The following CTNNA3 variants were observed in gnomAD, a reference collection of about 807,000 sequenced individuals.
The protein encoded by CTNNA3 is catenin alpha 3.
In CTNNA3, 76 loss-of-function variants were observed where a neutral mutation model predicts 95.7. That is an observed-to-expected ratio of 0.79 (90% CI 0.66 to 0.96). The LOEUF is 0.96. CTNNA3 is among the 40% of genes least tolerant of loss of function. The probability of loss-of-function intolerance (pLI) is 0.00; values close to 1 mark genes in which losing one functional copy is unlikely to be tolerated. For missense variants in CTNNA3, 1,191 were observed against 1,089.8 expected (o/e 1.09, Z -1.31); for synonymous variants, 431 against 374.4 (o/e 1.15, Z -1.74).
chr10:66,871,484 C>T (rs1193101345), intron 7 of CTNNA3, among the ~76,000 whole-genome samples: 1 of 149,962 alleles, frequency 6.7e-6, no homozygotes, highest in Non-Finnish European at 1.5e-5. Flanking sequence ...ATCTCTTGCA[C>T]CTGGGAGGCG....
intron 9 of CTNNA3, among the ~76,000 whole-genome samples, chr10:66,750,230 C>T (rs1589213166): frequency 6.6e-6 from 1 of 152,166 alleles, no homozygotes; most frequent in South Asian, 2.1e-4. Flanking sequence ...TGAAATCCAG[C>T]ATATCAATTG....
intron 3 of CTNNA3, among the ~76,000 whole-genome samples, chr10:67,581,008 A>G (rs1193609337): frequency 2.6e-5 from 4 of 151,900 alleles, no homozygotes; most frequent in African/African-American, 4.8e-5. Flanking sequence ...CTGCAAACAG[A>G]GACAATTTGA....
chr10:66,545,526 A>C (rs1353446154), intron 10 of CTNNA3, among the ~76,000 whole-genome samples: 1 of 152,044 alleles, frequency 6.6e-6, no homozygotes, highest in African/African-American at 2.4e-5. Context: ...TCCTATATGC[A>C]TCAGTGTCTT....
Position 65,915,362 on chromosome 10 carries a change from G to C in CTNNA3, c.*4968C>G, listed in dbSNP as rs1032859610. On this transcript the variant is annotated 3_prime_UTR_variant, in exon 18 of 18. Coordinates refer to ENST00000433211, the MANE Select transcript of CTNNA3 (RefSeq NM_013266.4). The stretch of plus-strand genomic sequence containing the variant: ...CTATCCTTAATACTTTCCTCAGGAG[G>C]GCTGCCTAATCTTCATAAAACCAAA... The C allele has an allele frequency of 6.6e-6, 1 of 151,314 alleles. No homozygotes were observed. The highest frequency in any genetic ancestry group is 2.4e-5 in the African/African-American group (1 of 41,082). 9.4% of individuals were successfully genotyped at this position (151,314 alleles called of 1,614,324 possible).
At chr10:66,603,701 A>T (rs2132264981) in intron 10 of CTNNA3, among the ~76,000 whole-genome samples, 1 of 152,274 alleles carries the variant, frequency 6.6e-6, no homozygotes, top group African/African-American at 2.4e-5. Flanking sequence ...TATAGTAACT[A>T]AAACAGTATG....
chr10:66,170,335 T>A lies in CTNNA3; in HGVS notation c.1885-67086A>T, dbSNP rs1187536025. 2.7e-5 allele frequency among the ~76,000 whole-genome samples: 4 copies of A among 149,310 alleles called. No individual in the cohort carries two copies. The Admixed American group carries it at 2.7e-4, about 10-fold the overall frequency. On this transcript the variant is annotated intron_variant, in intron 13 of 17. Transcript: ENST00000433211. ...GAAATATGGCATTCAAGAAGGCAAT[T>A]TCTCTAGAACTTTATTTCCACAAAT...
At chr10:66,867,185 T>C (rs1187060535) in intron 7 of CTNNA3, among the ~76,000 whole-genome samples, 1 of 152,044 alleles carries the variant, frequency 6.6e-6, no homozygotes, top group East Asian at 1.9e-4. Flanking sequence ...AACAGAATAA[T>C]ACAATAACTA....
intron 6 of CTNNA3, among the ~76,000 whole-genome samples, chr10:67,184,142 A>G (rs1344816572): frequency 1.3e-5 from 2 of 152,204 alleles, no homozygotes; most frequent in Non-Finnish European, 2.9e-5. Context: ...GCTTTGGCCA[A>G]CTTTCTTAAA....
chr10:65,949,488 C>G (rs2133203774), intron 17 of CTNNA3, among the ~76,000 whole-genome samples: 1 of 152,254 alleles, frequency 6.6e-6, no homozygotes, highest in African/African-American at 2.4e-5. Context: ...TACTATTTGT[C>G]TCTTGAGTAG....
chr10:66,801,699 C>G (rs915371306), intron 7 of CTNNA3, among the ~76,000 whole-genome samples: 3 of 151,470 alleles, frequency 2.0e-5, no homozygotes, highest in Non-Finnish European at 4.4e-5. Flanking sequence ...TCAATGGATT[C>G]ATTACAATCA....
chr10:67,209,061 T>C (rs1167848401), intron 6 of CTNNA3, among the ~76,000 whole-genome samples: 1 of 152,100 alleles, frequency 6.6e-6, no homozygotes, highest in Non-Finnish European at 1.5e-5. Flanking sequence ...TTGTTGTTGT[T>C]GTTGTTAAGA....
At chr10:67,097,796 A>T in intron 7 of CTNNA3, 1 of 1,612,044 alleles carries the variant, frequency 6.2e-7, no homozygotes, top group Non-Finnish European at 8.5e-7. Context: ...AGCTAGCTTA[A>T]CTGAGATCAT....
chr10:67,452,259 C>A (rs927044571), intron 5 of CTNNA3, among the ~76,000 whole-genome samples: 1 of 151,786 alleles, frequency 6.6e-6, no homozygotes, highest in African/African-American at 2.4e-5. Flanking sequence ...ATATTGATAT[C>A]AAAATATAAA....
intron 10 of CTNNA3, among the ~76,000 whole-genome samples, chr10:66,576,856 A>G (rs1843018913): frequency 6.6e-6 from 1 of 151,504 alleles, no homozygotes; most frequent in South Asian, 2.1e-4. Context: ...CCAATAGTGG[A>G]ATTGTTGGGC....
At chr10:66,587,356 C>T (rs1441259897) in intron 10 of CTNNA3, among the ~76,000 whole-genome samples, 3 of 152,108 alleles carry the variant, frequency 2.0e-5, no homozygotes, top group African/African-American at 4.8e-5. Flanking sequence ...AAAGCACCAG[C>T]TGTGGAGGTA....
chr10:66,376,593 A>G (rs2132480585), intron 12 of CTNNA3, among the ~76,000 whole-genome samples: 1 of 152,304 alleles, frequency 6.6e-6, no homozygotes, highest in Non-Finnish European at 1.5e-5. Context: ...TTAGATAAGT[A>G]TGGCTTATAT....
rs1316063639 is a variant in CTNNA3, at chr10:65,917,956, A to G, written c.*2374T>C. 1 of 152,142 alleles carries G rather than the reference A, an allele frequency of 6.6e-6. No individual in the cohort carries two copies. Among genetic ancestry groups the G allele is most frequent in the Non-Finnish European group, 1.5e-5 (1 of 68,014 alleles). The allele number at this position is 152,142 out of a possible 1,614,324, so 9.4% of individuals were successfully genotyped here. A position where few individuals can be genotyped will look rare whatever the true frequency, so the allele number is the denominator to read the frequency against. ...GTGGACAGATGCCTTTTTCAGCTCTATGCATCTTGTTTTTATGTCACTATC... is the reference window on the plus strand; with the variant it reads ...GTGGACAGATGCCTTTTTCAGCTCTGTGCATCTTGTTTTTATGTCACTATC... On this transcript the variant is annotated 3_prime_UTR_variant, in exon 18 of 18. Transcript: ENST00000433211.
At chr10:66,912,192 G>A (rs2132562082) in intron 7 of CTNNA3, among the ~76,000 whole-genome samples, 1 of 152,030 alleles carries the variant, frequency 6.6e-6, no homozygotes, top group Non-Finnish European at 1.5e-5. Context: ...CTACTTCCTA[G>A]AGTTGTAAAC....
intron 7 of CTNNA3, among the ~76,000 whole-genome samples, chr10:67,000,017 G>A (rs1851584375): frequency 6.6e-6 from 1 of 152,130 alleles, no homozygotes; most frequent in African/African-American, 2.4e-5. Context: ...CAATTTATGG[G>A]ATAGCTGTTT....
Sources: allele counts gnomAD v4.1 joint callset (sites outside exome capture counted in the v4.1 genomes callset), GRCh38; gene constraint gnomAD v4.1.1; transcripts MANE v1.5; gene names NCBI Gene and HGNC (gene_info 2026-07-23, HGNC 2026-07-21).